Variants in HIBADH observed in about 807,000 individuals in gnomAD.
HIBADH encodes 3-hydroxyisobutyrate dehydrogenase, mitochondrial.
A neutral mutation model predicts 36.1 loss-of-function variants in HIBADH; 25 were observed. The ratio of observed to expected loss-of-function variants is 0.69; its 90% CI spans 0.50 to 0.97. The LOEUF is 0.97. Ranked by LOEUF, HIBADH falls within the 50% of genes least tolerant of loss-of-function variation. The pLI is 0.00. For synonymous variants in HIBADH, 160 were observed against 149.5 expected, an observed-to-expected ratio of 1.07 and a Z score of -0.51; for missense variants, 421 against 418.0, an observed-to-expected ratio of 1.01 and a Z score of -0.06.
chr7:27,587,153 A>T (rs1340592563), intron 4 of HIBADH, among the ~76,000 whole-genome samples: 2 of 152,162 alleles, frequency 1.3e-5, no homozygotes, highest in African/African-American at 4.8e-5. Context: ...GACAGTTCAC[A>T]TTTTTTGCTC....
intron 2 of HIBADH, among the ~76,000 whole-genome samples, chr7:27,645,865 G>C (rs1012783549): frequency 6.6e-6 from 1 of 152,200 alleles, no homozygotes; most frequent in East Asian, 1.9e-4. Flanking sequence ...TTCCTTATCA[G>C]ATATATGATT....
rs1003946798 is a variant in HIBADH at position 27,629,425 on chromosome 7, C to A, written c.430G>T (p.Ala144Ser). The change falls in exon 4 of 8, where the codon GCC becomes TCC. Residue 144 changes from alanine (A) to serine (S), a missense_variant. Transcript: ENST00000265395. ...TIDPAVSKEL[A>S]KEVEKMGAVF... ...GCTCCCATTTTCTCAACTTCTTTGG[C>A]CAATTCTTTTGAAACTGCAGGATCA... 3.1e-6 allele frequency: 5 copies of A among 1,612,038 alleles called. No homozygotes were observed. The highest frequency in any genetic ancestry group is 2.5e-6 in the Non-Finnish European group (3 of 1,178,870).
chr7:27,629,452 T>C lies in HIBADH; in HGVS notation c.403A>G (p.Ile135Val), dbSNP rs765334287. 18 of 1,607,440 alleles carry C rather than the reference T, an allele frequency of 1.1e-5. No homozygotes were observed. Among genetic ancestry groups the C allele is most frequent in the Non-Finnish European group, 1.5e-5 (18 of 1,175,224 alleles). The change falls in exon 4 of 8, where the codon ATT (isoleucine) becomes GTT (valine). Residue 135 changes from isoleucine (I) to valine (V), a missense_variant. By Grantham distance (29) the Ile-to-Val change is conservative. Transcript: ENST00000265395. ...KGSLLIDSST[I>V]DPAVSKELAK... The stretch of plus-strand genomic sequence containing the variant: ...AATTCTTTTGAAACTGCAGGATCAA[T>C]AGTGCTGGAATCTATTAATAATGAG...
chr7:27,546,207 A>G (rs948834928), intron 4 of HIBADH, among the ~76,000 whole-genome samples: 4 of 152,114 alleles, frequency 2.6e-5, no homozygotes, highest in Non-Finnish European at 5.9e-5. Context: ...GGCTCAAGCA[A>G]TCCTCCCACC....
intron 4 of HIBADH, among the ~76,000 whole-genome samples, chr7:27,623,555 A>G (rs573583124): frequency 1.3e-3 from 193 of 152,366 alleles, no homozygotes; most frequent in Non-Finnish European, 9.6e-4. Context: ...CAGTAAAGTT[A>G]TAGGATACAA....
chr7:27,628,379 G>A (rs1018710012), intron 4 of HIBADH, among the ~76,000 whole-genome samples: 2 of 152,032 alleles, frequency 1.3e-5, no homozygotes, highest in Non-Finnish European at 1.5e-5. Flanking sequence ...CCACAATCAA[G>A]TTTAATGTAA....
Position 27,586,049 on chromosome 7 carries a change from G to A in HIBADH, c.485-42949C>T, listed in dbSNP as rs60812788. ...GAAGGGGGAGGTGACTTAACAAACT[G>A]ACTTCACATCAGTTCACGCATTTTC... On this transcript the variant is annotated intron_variant, in intron 4 of 7. Coordinates refer to ENST00000265395, the MANE Select transcript of HIBADH (RefSeq NM_152740.4). 6.2e-3 allele frequency among the ~76,000 whole-genome samples: 948 copies of A among 152,254 alleles called. 8 individuals are homozygous for A. Among genetic ancestry groups the A allele is most frequent in the African/African-American group, 0.022 (909 of 41,526 alleles).
At chr7:27,615,057 T>C (rs975565830) in intron 4 of HIBADH, among the ~76,000 whole-genome samples, 6 of 152,176 alleles carry the variant, frequency 3.9e-5, no homozygotes, top group Non-Finnish European at 8.8e-5. Context: ...GATTATAAAA[T>C]AGCCTCTGAG....
intron 4 of HIBADH, among the ~76,000 whole-genome samples, chr7:27,627,439 T>C (rs1232635142): frequency 2.6e-5 from 4 of 152,134 alleles, no homozygotes; most frequent in Non-Finnish European, 5.9e-5. Context: ...GATTTGAAGG[T>C]TCCTCTGTCT....
At position 27,610,637 on chromosome 7, in the gene HIBADH, C is replaced by A. The variant is rs575230451; in HGVS notation, c.484+18734G>T. 1.4e-4 allele frequency among the ~76,000 whole-genome samples: 21 copies of A among 152,158 alleles called. No individual in the cohort carries two copies. In the East Asian group the frequency reaches 3.9e-3, roughly 28 times the overall value. On this transcript the variant is annotated intron_variant, in intron 4 of 7. Transcript: ENST00000265395. ...TCAAAAAAAGACCTATTCTGATAGC[C>A]CTTCCCCCTCCACACATTATAAACC... is the stretch of plus-strand genomic sequence containing the variant.
At chr7:27,609,202 C>T (rs1342171047) in intron 4 of HIBADH, among the ~76,000 whole-genome samples, 4 of 152,116 alleles carry the variant, frequency 2.6e-5, no homozygotes, top group East Asian at 1.9e-4. Flanking sequence ...TTTTCTTAGG[C>T]GACAAACTGC....
At chr7:27,571,913 T>C (rs1199824620) in intron 4 of HIBADH, among the ~76,000 whole-genome samples, 1 of 152,224 alleles carries the variant, frequency 6.6e-6, no homozygotes, top group African/African-American at 2.4e-5. Context: ...GAGAAACTAA[T>C]ATACTTTATT....
chr7:27,538,938 G>A (rs1245713345), intron 5 of HIBADH, among the ~76,000 whole-genome samples: 2 of 152,096 alleles, frequency 1.3e-5, no homozygotes, highest in African/African-American at 2.4e-5. Flanking sequence ...GGGGCGAAGG[G>A]TAAATATATA....
intron 4 of HIBADH, among the ~76,000 whole-genome samples, chr7:27,575,726 A>G (rs1784699723): frequency 1.3e-5 from 2 of 152,200 alleles, no homozygotes; most frequent in Admixed American, 6.5e-5. Flanking sequence ...ACACATGTGC[A>G]CATGTTGTTT....
intron 4 of HIBADH, among the ~76,000 whole-genome samples, chr7:27,575,776 C>T (rs1784700287): frequency 6.6e-6 from 1 of 152,168 alleles, no homozygotes; most frequent in African/African-American, 2.4e-5. Context: ...AGCAACTAGC[C>T]TAGCCTGTAA....
At chr7:27,613,117 A>C (rs1420862237) in intron 4 of HIBADH, among the ~76,000 whole-genome samples, 1 of 117,126 alleles carries the variant, frequency 8.5e-6, no homozygotes, top group Non-Finnish European at 1.7e-5. Context: ...TATTCATATA[A>C]ATATATTTAT....
intron 4 of HIBADH, among the ~76,000 whole-genome samples, chr7:27,579,853 A>G (rs1784764508): frequency 6.6e-6 from 1 of 152,220 alleles, no homozygotes; most frequent in African/African-American, 2.4e-5. Flanking sequence ...TATCTTTACC[A>G]TAATACCATT....
chr7:27,657,359 T>C (rs1189109005), intron 1 of HIBADH, among the ~76,000 whole-genome samples: 1 of 152,232 alleles, frequency 6.6e-6, no homozygotes, highest in South Asian at 2.1e-4. Context: ...AGCATGTCTA[T>C]GTACTTGGAG....
chr7:27,595,589 TG>T (rs1785020779), intron 4 of HIBADH, among the ~76,000 whole-genome samples: 3 of 136,858 alleles, frequency 2.2e-5, no homozygotes, highest in Non-Finnish European at 4.5e-5. Flanking sequence ...GGTGTGTGTG[TG>T]TGTGTGTGTG....
Sources: gnomAD v4.1 joint callset for allele counts (sites outside exome capture counted in the v4.1 genomes callset) on GRCh38, gnomAD v4.1.1 for gene constraint, MANE v1.5 for transcripts, NCBI Gene and HGNC (gene_info 2026-07-23, HGNC 2026-07-21) for gene names.